The following GLRB variants were observed in gnomAD, a reference collection of about 807,000 sequenced individuals.
The protein encoded by GLRB is glycine receptor subunit beta.
GLRB carries 33 observed loss-of-function variants against 54.2 expected under a neutral mutation model. That is an observed-to-expected ratio of 0.61 (90% CI 0.46 to 0.81). The LOEUF is 0.81. Ranked by LOEUF, GLRB falls within the 40% of genes least tolerant of loss-of-function variation. GLRB has a pLI of 0.00. For missense variants in GLRB, 572 were observed against 584.6 expected (o/e 0.98, Z 0.22); for synonymous variants, 209 against 208.2 (o/e 1.00, Z -0.03).
At chr4:157,077,913 T>C (rs1734094476) in intron 1 of GLRB, 83 bp from the exon 2 acceptor site, 1 of 851,246 alleles carries the variant, frequency 1.2e-6, no homozygotes. Context: ...CTTTGGGTAG[T>C]AATGCTTATA....
At chr4:157,123,399 T>A (rs1281830005) in intron 4 of GLRB, among the ~76,000 whole-genome samples, 1 of 151,790 alleles carries the variant, frequency 6.6e-6, no homozygotes, top group Non-Finnish European at 1.5e-5. Flanking sequence ...CAATTGTACA[T>A]TGCATTTAAT....
At chr4:157,138,029 G>A (rs144659000) in intron 6 of GLRB, among the ~76,000 whole-genome samples, 5 of 152,212 alleles carry the variant, frequency 3.3e-5, no homozygotes, top group East Asian at 3.9e-4. Context: ...GGCCTTCTAT[G>A]GTGATGCAAC....
intron 4 of GLRB, among the ~76,000 whole-genome samples, chr4:157,127,785 G>GGTTC (rs1736067326): frequency 6.6e-6 from 1 of 151,794 alleles, no homozygotes; most frequent in Non-Finnish European, 1.5e-5. Flanking sequence ...AAAGGAAAGA[G>GGTTC]GTTCATTCCT....
At chr4:157,165,913 C>T (rs1483575913) in intron 9 of GLRB, among the ~76,000 whole-genome samples, 1 of 151,968 alleles carries the variant, frequency 6.6e-6, no homozygotes, top group Non-Finnish European at 1.5e-5. Flanking sequence ...ATTTAATGGA[C>T]TTAAATTTAG....
In GLRB at chr4:157,093,467, G is replaced by T. The variant is rs558710667; in HGVS notation, c.122+15321G>T. Among the ~76,000 whole-genome samples the T allele has an allele frequency of 1.2e-4, 19 of 152,142 alleles. No homozygotes were observed. The South Asian group carries it at 3.5e-3, about 28-fold the overall frequency. ...ATAAAATATATAGTTCTGGCCAGGC[G>T]CAGTGACTCACACCTGTAATCCCAG... On this transcript the variant is annotated intron_variant, in intron 2 of 9. Transcript: ENST00000264428.
At chr4:157,097,194 C>G (rs1164513521) in intron 2 of GLRB, among the ~76,000 whole-genome samples, 1 of 152,154 alleles carries the variant, frequency 6.6e-6, no homozygotes, top group Admixed American at 6.5e-5. Context: ...TAATTTTCAA[C>G]TGGTTTGGAC....
chr4:157,117,894 T>C (rs1735663210), intron 2 of GLRB, among the ~76,000 whole-genome samples: 1 of 151,734 alleles, frequency 6.6e-6, no homozygotes, highest in African/African-American at 2.4e-5. Context: ...TACAAAATCA[T>C]TGCCAAACAA....
At chr4:157,158,860 T>A (rs565361932) in intron 9 of GLRB, among the ~76,000 whole-genome samples, 140 of 151,172 alleles carry the variant, frequency 9.3e-4, no homozygotes, top group African/African-American at 3.0e-3. Context: ...TTTTTCCAAT[T>A]CTATGAAGAA....
intron 2 of GLRB, among the ~76,000 whole-genome samples, chr4:157,082,732 A>G (rs1734267117): frequency 6.6e-6 from 1 of 152,036 alleles, no homozygotes; most frequent in Non-Finnish European, 1.5e-5. Flanking sequence ...ACAGAGAAAA[A>G]ATCCACACTG....
rs2343762 is a variant in GLRB, at chr4:157,076,947, A to G, written c.-30+650A>G. Among the ~76,000 whole-genome samples the G allele has an allele frequency of 3.4e-3, 367 of 109,298 alleles. 1 individual carries two copies. The Middle Eastern group carries it at 0.037, about 11-fold the overall frequency. The allele number at this position is 109,298 out of a possible 152,430, so 71.7% of individuals were successfully genotyped here. On this transcript the variant is annotated intron_variant, in intron 1 of 9. Coordinates refer to ENST00000264428, the MANE Select transcript of GLRB (RefSeq NM_000824.5). ...TCTGGCTTGCCTGGAGTGTGTGTAA[A>G]AGATAAATATGGGGGGAAGAATCCT...
intron 4 of GLRB, among the ~76,000 whole-genome samples, chr4:157,126,824 A>G (rs1736031444): frequency 6.6e-6 from 1 of 151,878 alleles, no homozygotes; most frequent in South Asian, 2.1e-4. Flanking sequence ...TAATCTATAC[A>G]CTGGCACTTT....
chr4:157,101,852 T>C (rs1402531833), intron 2 of GLRB, among the ~76,000 whole-genome samples: 4 of 151,334 alleles, frequency 2.6e-5, no homozygotes, highest in African/African-American at 7.3e-5. Flanking sequence ...GGGGCGGTTG[T>C]TAAAAAACTA....
chr4:157,143,700 G>A, intron 7 of GLRB, 107 bp from the exon 8 acceptor site: 1 of 1,118,920 alleles, frequency 8.9e-7, no homozygotes. Context: ...TTTCCTCTGT[G>A]AAATTGCCTC....
intron 4 of GLRB, among the ~76,000 whole-genome samples, chr4:157,123,773 C>T (rs1735916896): frequency 6.6e-6 from 1 of 151,694 alleles, no homozygotes; most frequent in African/African-American, 2.4e-5. Context: ...GATCTCCACA[C>T]CCTGTTCTGT....
At chr4:157,137,584 G>T (rs562247522) in intron 6 of GLRB, among the ~76,000 whole-genome samples, 17 of 152,036 alleles carry the variant, frequency 1.1e-4, no homozygotes, top group Middle Eastern at 3.4e-3. Context: ...TAATTACCTG[G>T]CAAAACATCT....
intron 9 of GLRB, among the ~76,000 whole-genome samples, chr4:157,160,121 A>T (rs974635292): frequency 6.6e-6 from 1 of 152,128 alleles, no homozygotes; most frequent in Non-Finnish European, 1.5e-5. Flanking sequence ...TTATTTGTGT[A>T]GAGGTGTTTA....
chr4:157,136,782 T>A, intron 5 of GLRB, 22 bp from the exon 6 acceptor site: 1 of 1,560,748 alleles, frequency 6.4e-7, no homozygotes, highest in South Asian at 1.1e-5. Context: ...AAATTATTTC[T>A]AAGACCCATT....
At chr4:157,144,561 T>C (rs1579236703) in intron 8 of GLRB, among the ~76,000 whole-genome samples, 1 of 152,162 alleles carries the variant, frequency 6.6e-6, no homozygotes, top group African/African-American at 2.4e-5. Flanking sequence ...CTTAAGGAAA[T>C]AAGCAAGCGC....
chr4:157,148,147 A>C (rs1447375881), intron 8 of GLRB, among the ~76,000 whole-genome samples: 2 of 152,102 alleles, frequency 1.3e-5, no homozygotes, highest in Admixed American at 6.5e-5. Context: ...ATGTTAGATG[A>C]GTTGTGAATT....
Sources: gnomAD v4.1 joint callset for allele counts (sites outside exome capture counted in the v4.1 genomes callset) on GRCh38, gnomAD v4.1.1 for gene constraint, MANE v1.5 for transcripts, NCBI Gene and HGNC (gene_info 2026-07-23, HGNC 2026-07-21) for gene names.